DAB2IP: variants seen among roughly 807,000 people sequenced by gnomAD.
DAB2IP encodes the protein disabled homolog 2-interacting protein.
DAB2IP carries 28 observed loss-of-function variants against 107.2 expected under a neutral mutation model. The observed-to-expected ratio is 0.26, with a 90% CI of 0.19 to 0.36. The LOEUF (loss-of-function observed/expected upper bound fraction) is 0.36. Ranked by LOEUF, DAB2IP falls within the 10% of genes least tolerant of loss-of-function variation. DAB2IP has a pLI of 1.00. For missense variants in DAB2IP, 1,400 were observed against 1,644.7 expected, an observed-to-expected ratio of 0.85 and a Z score of 2.57; for synonymous variants, 755 against 706.4, an observed-to-expected ratio of 1.07 and a Z score of -1.09.
chr9:121,775,604 T>G (rs1241728877), intron 13 of DAB2IP, among the ~76,000 whole-genome samples: 1 of 152,136 alleles, frequency 6.6e-6, no homozygotes, highest in African/African-American at 2.4e-5. Flanking sequence ...ACATCCCTGC[T>G]CCTCCCTGAT....
At chr9:121,590,811 G>A (rs1325763476) in intron 1 of DAB2IP, among the ~76,000 whole-genome samples, 1 of 152,128 alleles carries the variant, frequency 6.6e-6, no homozygotes, top group Non-Finnish European at 1.5e-5. Context: ...AGGGTAGGAG[G>A]GGATACAACA....
At chr9:121,641,903 TTC>T (rs768458871) in intron 1 of DAB2IP, among the ~76,000 whole-genome samples, 2,036 of 83,360 alleles carry the variant, frequency 0.024, 92 homozygotes, top group African/African-American at 0.072. Context: ...CTTTCTTTCT[TTC>T]TTTCTTTCTT....
chr9:121,641,309 T>G (rs1305722071), intron 1 of DAB2IP, among the ~76,000 whole-genome samples: 1 of 152,140 alleles, frequency 6.6e-6, no homozygotes, highest in African/African-American at 2.4e-5. Flanking sequence ...TCCATTTAAT[T>G]CCCACCTACC....
intron 1 of DAB2IP, among the ~76,000 whole-genome samples, chr9:121,636,043 A>T (rs1269859417): frequency 1.3e-5 from 2 of 152,100 alleles, no homozygotes; most frequent in African/African-American, 4.8e-5. Context: ...AGCTGGGACT[A>T]CAGGTACATG....
chr9:121,719,727 T>A (rs1309594176), intron 3 of DAB2IP, among the ~76,000 whole-genome samples: 1 of 152,138 alleles, frequency 6.6e-6, no homozygotes, highest in Non-Finnish European at 1.5e-5. Context: ...CTGAGAGGTG[T>A]GCTTGTTTTA....
intron 14 of DAB2IP, among the ~76,000 whole-genome samples, chr9:121,778,813 T>C (rs1161930510): frequency 6.6e-6 from 1 of 151,980 alleles, no homozygotes; most frequent in African/African-American, 2.4e-5. Context: ...TGACAGGGAG[T>C]CTGTCATTGT....
chr9:121,596,569 T>A (rs547120574), intron 1 of DAB2IP, among the ~76,000 whole-genome samples: 1 of 152,258 alleles, frequency 6.6e-6, no homozygotes, highest in East Asian at 1.9e-4. Context: ...TTCTGCAACA[T>A]GTTCTCCCTC....
Position 121,684,913 on chromosome 9 carries a change from G to A in DAB2IP, c.228+6132G>A, listed in dbSNP as rs1187104584. ...GGTCGTTCACTTGGGACATATTTAT[G>A]TTTGTGGCCCATCAACCAGTGGAGG... is the stretch of plus-strand genomic sequence containing the variant. On this transcript the variant is annotated intron_variant, in intron 2 of 15. Coordinates refer to ENST00000408936, the Ensembl canonical transcript of DAB2IP. This position sits in a 1 kb window ranked among gnomAD's most constrained non-coding sequence, Gnocchi z 4.0. Among the ~76,000 whole-genome samples the A allele has an allele frequency of 1.3e-5, 2 of 152,220 alleles. No individual in the cohort carries two copies. The highest frequency in any genetic ancestry group is 2.9e-5 in the Non-Finnish European group (2 of 68,036).
chr9:121,580,576 C>A (rs916609005), intron 1 of DAB2IP, among the ~76,000 whole-genome samples: 17 of 152,120 alleles, frequency 1.1e-4, no homozygotes, highest in Middle Eastern at 3.4e-3. Context: ...GCAGAGGGAA[C>A]CACAGGGGAA....
intron 1 of DAB2IP, among the ~76,000 whole-genome samples, chr9:121,584,705 A>T (rs1207014481): frequency 6.6e-6 from 1 of 152,174 alleles, no homozygotes; most frequent in Admixed American, 6.6e-5. Context: ...TTTCTGGGGC[A>T]AAGGGTGGGA....
intron 3 of DAB2IP, among the ~76,000 whole-genome samples, chr9:121,726,888 C>T (rs1831264296): frequency 6.6e-6 from 1 of 152,202 alleles, no homozygotes. Flanking sequence ...ACCCTACTCC[C>T]TCATACTGTA....
chr9:121,648,015 A>G (rs553828734), upstream of DAB2IP, among the ~76,000 whole-genome samples: 131 of 152,100 alleles, frequency 8.6e-4, no homozygotes, highest in Non-Finnish European at 1.7e-3. Context: ...AAAACCAAAC[A>G]TCATATATTC....
chr9:121,743,869 C>A (rs2118904374), intron 3 of DAB2IP, among the ~76,000 whole-genome samples: 1 of 141,932 alleles, frequency 7.0e-6, no homozygotes, highest in East Asian at 1.9e-4. Context: ...GACTCCGGAG[C>A]ACCCTGCCCC....
intron 1 of DAB2IP, among the ~76,000 whole-genome samples, chr9:121,609,816 T>C (rs76127306): frequency 0.092 from 13,949 of 152,314 alleles, 766 homozygotes; most frequent in Non-Finnish European, 0.13. Context: ...CACCCACTTC[T>C]CAGAGCCACC....
chr9:121,681,860 G>A (rs1410397983), intron 2 of DAB2IP, among the ~76,000 whole-genome samples: 1 of 152,152 alleles, frequency 6.6e-6, no homozygotes, highest in African/African-American at 2.4e-5. Flanking sequence ...TCCGAGCCTT[G>A]TGTTCTTGAC....
intron 1 of DAB2IP, among the ~76,000 whole-genome samples, chr9:121,668,397 C>A (rs1833536673): frequency 6.6e-6 from 1 of 152,084 alleles, no homozygotes; most frequent in Non-Finnish European, 1.5e-5. Flanking sequence ...ATTACCACAC[C>A]TGGCTAAATT....
At chr9:121,592,752 G>A (rs191761028) in intron 1 of DAB2IP, among the ~76,000 whole-genome samples, 1 of 152,288 alleles carries the variant, frequency 6.6e-6, no homozygotes, top group Non-Finnish European at 1.5e-5. Context: ...TAGTGCAGAC[G>A]ATGCCTTTGG....
In DAB2IP at chr9:121,601,946, A is replaced by G. The variant is rs1830697127; in HGVS notation, c.40+34718A>G. Among the ~76,000 whole-genome samples the G allele has an allele frequency of 3.3e-5, 5 of 151,662 alleles. 1 individual carries two copies. The South Asian group carries it at 1.0e-3, about 32-fold the overall frequency. ...CTCCTGGGACTGGTGTGTGCCAGCA[A>G]TGCTTTTATCACAAGCACCTAGAGC... is the stretch of plus-strand genomic sequence containing the variant. On this transcript the variant is annotated intron_variant, in intron 1 of 16. Transcript: ENST00000259371.
rs775720235 is a variant in DAB2IP, at chr9:121,599,066, G to C, written c.40+31838G>C. On this transcript the variant is annotated intron_variant, in intron 1 of 16. Coordinates refer to the DAB2IP transcript ENST00000259371. This position sits in a 1 kb window ranked among gnomAD's most constrained non-coding sequence, Gnocchi z 6.9. The stretch of plus-strand genomic sequence containing the variant: ...GCTCTAGTTCCCCCCATTAGTCCCC[G>C]GCTCCTGAGGTTGGAGATCCACGCA... Among the ~76,000 whole-genome samples, 1 of 152,092 alleles carries C rather than the reference G, an allele frequency of 6.6e-6. No homozygotes were observed. The highest frequency in any genetic ancestry group is 1.5e-5 in the Non-Finnish European group (1 of 68,012).
Sources: allele counts gnomAD v4.1 joint callset (sites outside exome capture counted in the v4.1 genomes callset), GRCh38; gene constraint gnomAD v4.1.1; non-coding constraint Gnocchi (gnomAD v3.1); transcripts MANE v1.5; gene names NCBI Gene and HGNC (gene_info 2026-07-23, HGNC 2026-07-21).